PTPRQ: variants seen among roughly 807,000 people sequenced by gnomAD.
PTPRQ encodes protein tyrosine phosphatase receptor type Q.
Under a neutral mutation model 246.0 loss-of-function variants are expected in PTPRQ, and 199 were observed. The ratio of observed to expected loss-of-function variants is 0.81; its 90% CI spans 0.72 to 0.91. PTPRQ has a LOEUF of 0.91. PTPRQ is among the 40% of genes least tolerant of loss of function. The pLI is 0.00. For missense variants in PTPRQ, 2,624 were observed against 2,528.4 expected (o/e 1.04, Z -0.81); for synonymous variants, 869 against 853.2 (o/e 1.02, Z -0.32).
chr12:80,671,553 T>C (rs960463850), intron 42 of PTPRQ, among the ~76,000 whole-genome samples: 6 of 152,158 alleles, frequency 3.9e-5, no homozygotes, highest in Non-Finnish European at 7.3e-5. Context: ...GAAAGTATGT[T>C]CATATTATTG....
intron 35 of PTPRQ, 36 bp from the exon 36 acceptor site, chr12:80,648,861 T>A (rs1466907723): frequency 6.6e-7 from 1 of 1,518,860 alleles, no homozygotes; most frequent in Non-Finnish European, 8.8e-7. Context: ...CTGTCCACTC[T>A]GACTCACAAT....
intron 3 of PTPRQ, among the ~76,000 whole-genome samples, chr12:80,454,951 C>A (rs531408076): frequency 6.6e-6 from 1 of 152,192 alleles, no homozygotes; most frequent in East Asian, 1.9e-4. Flanking sequence ...CCGAGGCGGG[C>A]GGATCACCTG....
intron 5 of PTPRQ, among the ~76,000 whole-genome samples, chr12:80,459,809 G>A (rs1402296601): frequency 6.6e-6 from 1 of 152,162 alleles, no homozygotes; most frequent in African/African-American, 2.4e-5. Flanking sequence ...TTTTGTGATG[G>A]TGGCATTCCC....
chr12:80,488,366 T>C (rs1894346139), intron 9 of PTPRQ, among the ~76,000 whole-genome samples: 1 of 152,002 alleles, frequency 6.6e-6, no homozygotes, highest in Non-Finnish European at 1.5e-5. Flanking sequence ...CAAACACTTA[T>C]TAGAATAATC....
intron 26 of PTPRQ, among the ~76,000 whole-genome samples, chr12:80,603,769 G>C (rs753456342): frequency 3.3e-5 from 5 of 151,362 alleles, no homozygotes; most frequent in Non-Finnish European, 7.4e-5. Context: ...ATCTATCAAA[G>C]ACTAGTGCAA....
At chr12:80,539,119 A>G (rs1950024) in intron 19 of PTPRQ, among the ~76,000 whole-genome samples, 59,406 of 152,024 alleles carry the variant, frequency 0.39, 14,843 homozygotes, top group African/African-American at 0.71. Context: ...GAAAATGATT[A>G]CATACATACC....
At chr12:80,519,509 C>G (rs914891734) in intron 17 of PTPRQ, among the ~76,000 whole-genome samples, 15 of 152,098 alleles carry the variant, frequency 9.9e-5, no homozygotes. Context: ...AAGTGTGCCT[C>G]CAGCAAAGAC....
In PTPRQ at chr12:80,679,152, C is replaced by T; in HGVS notation, c.*129C>T. ...CTATGCTTCTCTCACTGTGCCTTTC[C>T]AAACGGATTGAACATTTTAAGACTA... is the stretch of plus-strand genomic sequence containing the variant. On this transcript the variant is annotated 3_prime_UTR_variant, in exon 45 of 45. Transcript: ENST00000644991. The T allele has an allele frequency of 1.8e-6, 2 of 1,132,510 alleles. No homozygotes were observed. Among genetic ancestry groups the T allele is most frequent in the South Asian group, 2.3e-5 (1 of 44,072 alleles). The allele number at this position is 1,132,510 out of a possible 1,614,324, so 70.2% of individuals were successfully genotyped here. A position where few individuals can be genotyped will look rare whatever the true frequency, so the allele number is the denominator to read the frequency against.
intron 39 of PTPRQ, among the ~76,000 whole-genome samples, chr12:80,661,109 T>A (rs1424959439): frequency 6.6e-6 from 1 of 151,802 alleles, no homozygotes; most frequent in East Asian, 1.9e-4. Flanking sequence ...CAAACACACA[T>A]GCATGTTTAT....
intron 38 of PTPRQ, 34 bp from the exon 39 acceptor site, chr12:80,657,951 C>T (rs545124445): frequency 1.5e-6 from 2 of 1,335,464 alleles, no homozygotes; most frequent in African/African-American, 1.5e-5. Flanking sequence ...ATTTAAAAAG[C>T]CAATTAACAT....
At chr12:80,514,616 T>G (rs895347606) in intron 17 of PTPRQ, among the ~76,000 whole-genome samples, 6 of 28,606 alleles carry the variant, frequency 2.1e-4, no homozygotes, top group East Asian at 1.6e-3. Flanking sequence ...TGTATATATA[T>G]TATACAAATT....
intron 9 of PTPRQ, among the ~76,000 whole-genome samples, chr12:80,489,721 T>C (rs1054814497): frequency 4.0e-5 from 6 of 151,792 alleles, no homozygotes; most frequent in African/African-American, 1.5e-4. Flanking sequence ...TTCAAAACAG[T>C]GAAATAAAAA....
intron 24 of PTPRQ, 75 bp downstream of exon 24, chr12:80,546,772 T>A: frequency 1.4e-6 from 2 of 1,480,670 alleles, no homozygotes; most frequent in Non-Finnish European, 1.8e-6. Context: ...TTAGTTTATA[T>A]GATAAAGTAT....
At chr12:80,672,230 T>G (rs1211292068) in intron 42 of PTPRQ, among the ~76,000 whole-genome samples, 1 of 151,814 alleles carries the variant, frequency 6.6e-6, no homozygotes, top group Non-Finnish European at 1.5e-5. Flanking sequence ...GGACTTTGCA[T>G]TGTTCACTGC....
chr12:80,619,686 TACCA>T, intron 31 of PTPRQ, 144 bp downstream of exon 31: 2 of 527,956 alleles, frequency 3.8e-6, no homozygotes, highest in Non-Finnish European at 5.7e-6. Flanking sequence ...TTATTAATGA[TACCA>T]ATCATTTCTT....
chr12:80,459,310 G>A lies in PTPRQ; in HGVS notation c.487G>A (p.Val163Ile), dbSNP rs552676412. ...TCCAGGAAAAGTGGTGAATCTCACA[G>A]TTGAGGCCTACAACGCTTCAGCAGT... Reference protein sequence around the residue: ...SAPGKVVNLTVEAYNASAVKL... With the variant: ...SAPGKVVNLTIEAYNASAVKL... Residue 163 changes from valine (V) to isoleucine (I), a missense_variant, in exon 5 of 45, where the codon GTT (valine) becomes ATT (isoleucine). By Grantham distance (29) the Val-to-Ile change is conservative (BLOSUM62 3). Coordinates refer to ENST00000644991, the MANE Select transcript of PTPRQ (RefSeq NM_001145026.2). 7 of 398,416 alleles carry A rather than the reference G, an allele frequency of 1.8e-5. No individual in the cohort carries two copies. The East Asian group carries it at 2.5e-4, about 14-fold the overall frequency. The allele number at this position is 398,416 out of a possible 1,614,324, so 24.7% of individuals were successfully genotyped here.
chr12:80,586,452 T>C (rs1286176737), intron 25 of PTPRQ, among the ~76,000 whole-genome samples: 3 of 151,396 alleles, frequency 2.0e-5, no homozygotes, highest in African/African-American at 7.3e-5. Flanking sequence ...TTGGTGGGAC[T>C]GTAAACTAGT....
rs142470198 is a variant in PTPRQ, at chr12:80,634,613, A to G, written c.5787-332A>G. The G allele has an allele frequency of 0.017, 3,572 of 209,322 alleles. 83 individuals carry two copies. The highest frequency in any genetic ancestry group is 0.069 in the South Asian group (825 of 11,990). The allele number at this position is 209,322 out of a possible 1,614,324, so 13.0% of individuals were successfully genotyped here. A position where few individuals can be genotyped will look rare whatever the true frequency, so the allele number is the denominator to read the frequency against. On this transcript the variant is annotated intron_variant, in intron 34 of 44. Transcript: ENST00000644991. Reference sequence around the variant, plus strand: ...TTCCTTTATATGACAAATCAATGACATAGCTAGAGAGAAGAGAAACAAGAT... The same window carrying G: ...TTCCTTTATATGACAAATCAATGACGTAGCTAGAGAGAAGAGAAACAAGAT...
chr12:80,575,040 G>T (rs1387766926), intron 25 of PTPRQ, among the ~76,000 whole-genome samples: 1 of 152,036 alleles, frequency 6.6e-6, no homozygotes, highest in African/African-American at 2.4e-5. Flanking sequence ...AGAATAGTTT[G>T]ATATAAGTTA....
Sources: gnomAD v4.1 joint callset for allele counts (sites outside exome capture counted in the v4.1 genomes callset) on GRCh38, gnomAD v4.1.1 for gene constraint, MANE v1.5 for transcripts, NCBI Gene and HGNC (gene_info 2026-07-23, HGNC 2026-07-21) for gene names.